TNPO1: variants seen among roughly 807,000 people sequenced by gnomAD.
TNPO1 encodes the protein transportin-1.
TNPO1 carries 8 observed loss-of-function variants against 119.5 expected under a neutral mutation model. That is an observed-to-expected ratio of 0.07 (90% CI 0.04 to 0.12). The LOEUF (loss-of-function observed/expected upper bound fraction) is 0.12, where lower values mean the gene tolerates loss of function less well. Among genes scored for constraint, TNPO1 ranks in the 10% least tolerant of loss-of-function variants. The pLI, the probability that TNPO1 is intolerant of heterozygous loss-of-function variation, is 1.00. For synonymous variants in TNPO1, 362 were observed against 363.0 expected (o/e 1.00, Z 0.03); for missense variants, 576 against 1,089.8 (o/e 0.53, Z 6.64).
At chr5:72,857,631 A>G (rs931249970) in intron 4 of TNPO1, among the ~76,000 whole-genome samples, 4 of 152,178 alleles carry the variant, frequency 2.6e-5, no homozygotes, top group Admixed American at 2.6e-4. Flanking sequence ...AGTGGAATGG[A>G]ATTTAGAAGG....
chr5:72,895,513 A>T (rs1749365644), intron 18 of TNPO1, among the ~76,000 whole-genome samples: 1 of 152,138 alleles, frequency 6.6e-6, no homozygotes, highest in Admixed American at 6.5e-5. Context: ...GAAGCAAAGG[A>T]TGTTGCTAAA....
intron 15 of TNPO1, 73 bp from the exon 16 acceptor site, chr5:72,893,066 G>C (rs550863762): frequency 8.8e-7 from 1 of 1,139,632 alleles, no homozygotes; most frequent in South Asian, 1.4e-5. Flanking sequence ...ATCCTGTTGA[G>C]CGCAGTTTCA....
rs1371430833 is a variant in TNPO1, at chr5:72,910,177, CTG to C, written c.*1507_*1508del. 3 of 152,612 alleles carry C rather than the reference CTG, an allele frequency of 2.0e-5. No individual in the cohort carries two copies. Among genetic ancestry groups the C allele is most frequent in the Non-Finnish European group, 4.4e-5 (3 of 68,018 alleles). 9.5% of individuals were successfully genotyped at this position (152,612 alleles called of 1,614,324 possible). ...TATTTTGGCGCATGTTGGTGGCCCT[CTG>C]TGCCCTAGATATATGCACACAGGGT... is the stretch of plus-strand genomic sequence containing the variant. On this transcript the variant is annotated 3_prime_UTR_variant, in exon 25 of 25. Transcript: ENST00000337273.
chr5:72,887,008 A>G (rs1166670593), intron 11 of TNPO1, 62 bp from the exon 12 acceptor site: 4 of 1,415,942 alleles, frequency 2.8e-6, no homozygotes, highest in Non-Finnish European at 2.8e-6. Flanking sequence ...TTACATATAC[A>G]ATAAATAATA....
At chr5:72,847,444 T>G (rs574691916) in intron 1 of TNPO1, among the ~76,000 whole-genome samples, 8 of 152,354 alleles carry the variant, frequency 5.3e-5, no homozygotes, top group South Asian at 2.1e-4. Flanking sequence ...CTTCACTGAT[T>G]AAGTGTGGTT....
chr5:72,890,042 T>C, intron 14 of TNPO1, 85 bp downstream of exon 14: 10 of 1,480,286 alleles, frequency 6.8e-6, no homozygotes, highest in Non-Finnish European at 9.2e-6. Flanking sequence ...GAAATTAAGA[T>C]GTTTTGGGAG....
chr5:72,839,236 ATTAATTGGTTT>A (rs1398740556), intron 1 of TNPO1, among the ~76,000 whole-genome samples: 1 of 152,146 alleles, frequency 6.6e-6, no homozygotes, highest in Non-Finnish European at 1.5e-5. Context: ...AATTATTTTG[ATTAATTGGTTT>A]TTAATGTGTA....
intron 6 of TNPO1, among the ~76,000 whole-genome samples, chr5:72,872,263 A>C (rs978913464): frequency 6.6e-6 from 1 of 152,194 alleles, no homozygotes; most frequent in African/African-American, 2.4e-5. Flanking sequence ...ATGCCAGAAC[A>C]CATGGACTAT....
intron 1 of TNPO1, among the ~76,000 whole-genome samples, chr5:72,819,761 A>G (rs1339644024): frequency 6.6e-6 from 1 of 152,190 alleles, no homozygotes; most frequent in Admixed American, 6.5e-5. Flanking sequence ...GAGCCACACT[A>G]TTTGGATTCA....
intron 4 of TNPO1, among the ~76,000 whole-genome samples, chr5:72,857,496 C>T (rs1446987804): frequency 3.3e-5 from 5 of 152,228 alleles, no homozygotes; most frequent in Admixed American, 6.5e-5. Flanking sequence ...AAAGAACTCC[C>T]TAGATTACTC....
intron 3 of TNPO1, 39 bp from the exon 4 acceptor site, chr5:72,855,735 A>G (rs772155873): frequency 6.6e-7 from 1 of 1,507,972 alleles, no homozygotes; most frequent in South Asian, 1.3e-5. Context: ...TGAAATTAAG[A>G]CTACTTCAAA....
chr5:72,896,737 C>T (rs1043238872), intron 19 of TNPO1, among the ~76,000 whole-genome samples, 181 bp downstream of exon 19: 2 of 152,038 alleles, frequency 1.3e-5, no homozygotes, highest in African/African-American at 2.4e-5. Flanking sequence ...GGCGTGGTAG[C>T]GGGTGCCTAT....
chr5:72,889,253 T>C (rs966485876), intron 13 of TNPO1, among the ~76,000 whole-genome samples: 3 of 152,072 alleles, frequency 2.0e-5, no homozygotes, highest in Admixed American at 2.0e-4. Flanking sequence ...AGATGGGGTT[T>C]TGTCATGTTG....
intron 5 of TNPO1, among the ~76,000 whole-genome samples, chr5:72,862,895 G>A (rs898527409): frequency 3.3e-5 from 5 of 152,026 alleles, no homozygotes; most frequent in East Asian, 1.9e-4. Flanking sequence ...TGATCCACCT[G>A]TCTCAACCTC....
At chr5:72,874,339 A>G (rs1747615910) in intron 7 of TNPO1, among the ~76,000 whole-genome samples, 1 of 152,152 alleles carries the variant, frequency 6.6e-6, no homozygotes, top group Admixed American at 6.5e-5. Context: ...CATATTGATG[A>G]AAAGTTTATT....
chr5:72,821,808 C>T (rs1476138985), intron 1 of TNPO1, among the ~76,000 whole-genome samples: 1 of 152,152 alleles, frequency 6.6e-6, no homozygotes, highest in Non-Finnish European at 1.5e-5. Context: ...CTAGGAACAG[C>T]ATTTCAGTGA....
chr5:72,868,530 G>A (rs1747128058), intron 6 of TNPO1, among the ~76,000 whole-genome samples: 1 of 143,748 alleles, frequency 7.0e-6, no homozygotes, highest in Non-Finnish European at 1.5e-5. Context: ...TTCCATTTAT[G>A]TAACTTTTTC....
chr5:72,904,088 G>A (rs1749968898), intron 23 of TNPO1, among the ~76,000 whole-genome samples: 1 of 152,162 alleles, frequency 6.6e-6, no homozygotes, highest in Non-Finnish European at 1.5e-5. Flanking sequence ...TGGAGACTTG[G>A]AGTATAATCT....
chr5:72,861,518 C>T (rs1250473833), intron 4 of TNPO1, among the ~76,000 whole-genome samples: 3 of 152,280 alleles, frequency 2.0e-5, no homozygotes, highest in East Asian at 3.9e-4. Flanking sequence ...CCTCTCACTT[C>T]AGCCTCCTGA....
Sources: allele counts gnomAD v4.1 joint callset (sites outside exome capture counted in the v4.1 genomes callset), GRCh38; gene constraint gnomAD v4.1.1; transcripts MANE v1.5; gene names NCBI Gene and HGNC (gene_info 2026-07-23, HGNC 2026-07-21).